RUFY4: variants seen among roughly 807,000 people sequenced by gnomAD.
RUFY4 encodes RUN and FYVE domain-containing protein 4.
In RUFY4, 73 loss-of-function variants were observed where a neutral mutation model predicts 69.0. The ratio of observed to expected loss-of-function variants is 1.06; its 90% CI spans 0.88 to 1.29. The LOEUF (loss-of-function observed/expected upper bound fraction) is 1.29. Ranked by LOEUF, RUFY4 falls within the 50% of genes most tolerant of loss-of-function variation. RUFY4 has a pLI of 0.00. For missense variants in RUFY4, 770 were observed against 705.6 expected (o/e 1.09, Z -1.03); for synonymous variants, 287 against 271.8 (o/e 1.06, Z -0.55).
chr2:218,084,034 C>G (rs1689831377), intron 9 of RUFY4, among the ~76,000 whole-genome samples: 1 of 152,170 alleles, frequency 6.6e-6, no homozygotes, highest in African/African-American at 2.4e-5. Context: ...AGGTTCCAGA[C>G]ATTGGGCTCA....
In RUFY4 at chr2:218,089,304, G is replaced by A. The variant is rs749470049; in HGVS notation, c.1555G>A (p.Glu519Lys). The A allele has an allele frequency of 2.2e-5, 35 of 1,613,724 alleles. No homozygotes were observed. The highest frequency in any genetic ancestry group is 1.6e-4 in the South Asian group (15 of 91,078). Residue 519 changes from glutamate (E) to lysine (K), a missense_variant, in exon 10 of 11, where the codon GAG becomes AAG. By Grantham distance (56) the Glu-to-Lys change is moderately conservative. Coordinates refer to ENST00000344321, the Ensembl canonical transcript of RUFY4. ...CCAGCATCTCTCTTCCATGGCTCCCGAGTGCTGTGTGGCCTGTAGCAAGAT... is the reference window on the plus strand; with the variant it reads ...CCAGCATCTCTCTTCCATGGCTCCCAAGTGCTGTGTGGCCTGTAGCAAGAT...
chr2:218,061,076 C>A, intron 3 of RUFY4: 1 of 605,284 alleles, frequency 1.7e-6, no homozygotes, highest in Non-Finnish European at 3.2e-6. Context: ...ACAGATTGTG[C>A]CAAAAATCCA....
At chr2:218,038,595 TAG>T (rs1185758780) in intron 2 of RUFY4, among the ~76,000 whole-genome samples, 2 of 152,180 alleles carry the variant, frequency 1.3e-5, no homozygotes, top group East Asian at 3.8e-4. Flanking sequence ...GACCCCAAAT[TAG>T]ATGATCATGT....
Position 218,075,646 on chromosome 2 carries a change from A to C in RUFY4, c.1154A>C (p.Asp385Ala), listed in dbSNP as rs1280634897. 6 of 1,511,342 alleles carry C rather than the reference A, an allele frequency of 4.0e-6. No homozygotes were observed. The highest frequency in any genetic ancestry group is 2.0e-4 in the Middle Eastern group (1 of 5,066). 93.6% of individuals were successfully genotyped at this position (1,511,342 alleles called of 1,614,324 possible). A position where few individuals can be genotyped will look rare whatever the true frequency, so the allele number is the denominator to read the frequency against. Residue 385 changes from aspartate (D) to alanine (A), a missense_variant, in exon 7 of 11, where the codon GAC becomes GCC. Coordinates refer to ENST00000344321, the Ensembl canonical transcript of RUFY4. ...CTTCAGGGACACGCAACAAAGGAAG[A>C]CTCTACCGTGGAGAATCCACAAGTG...
Position 218,043,920 on chromosome 2 carries a change from G to C in RUFY4, c.-1158+8526G>C, listed in dbSNP as rs76188350. Among the ~76,000 whole-genome samples, 1,096 of 152,352 alleles carry C rather than the reference G, an allele frequency of 7.2e-3. 13 individuals are homozygous for C. The highest frequency in any genetic ancestry group is 0.025 in the African/African-American group (1,023 of 41,576). The stretch of plus-strand genomic sequence containing the variant: ...CCTCCCATGCTTGTCAGTGCCCAAA[G>C]TCCAGAAGGGGGCTGAGGAGGCAGG... On this transcript the variant is annotated intron_variant and NMD_transcript_variant, in intron 2 of 13. Coordinates refer to the RUFY4 transcript ENST00000457754.
intron 2 of RUFY4, among the ~76,000 whole-genome samples, chr2:218,046,808 C>T (rs1189973555): frequency 1.3e-5 from 2 of 152,064 alleles, no homozygotes; most frequent in Non-Finnish European, 2.9e-5. Context: ...GTTTAACTTC[C>T]CTCTTGTTAC....
chr2:218,038,769 G>A (rs1278226194), intron 2 of RUFY4, among the ~76,000 whole-genome samples: 3 of 152,136 alleles, frequency 2.0e-5, no homozygotes, highest in Admixed American at 6.5e-5. Flanking sequence ...CCCTCTTTCC[G>A]ATTCATTTGC....
intron 3 of RUFY4, among the ~76,000 whole-genome samples, chr2:218,061,690 C>T (rs1005366): frequency 6.6e-6 from 1 of 152,220 alleles, no homozygotes; most frequent in Non-Finnish European, 1.5e-5. Flanking sequence ...CCCATGACAT[C>T]ACAGTCTCCC....
At chr2:218,070,181 G>GT, upstream of RUFY4, 1 of 247,232 alleles carries the variant, frequency 4.0e-6, no homozygotes, top group South Asian at 5.5e-5. Context: ...CACCAAGTCA[G>GT]GACCCAGAAC....
chr2:218,038,605 T>C (rs1177940660), intron 2 of RUFY4, among the ~76,000 whole-genome samples: 4 of 152,248 alleles, frequency 2.6e-5, no homozygotes, highest in Non-Finnish European at 4.4e-5. Context: ...TAGATGATCA[T>C]GTTATCAGTG....
chr2:218,051,842 AAAC>A (rs893687661), intron 2 of RUFY4, among the ~76,000 whole-genome samples: 6 of 152,184 alleles, frequency 3.9e-5, no homozygotes, highest in African/African-American at 1.2e-4. Flanking sequence ...TGCTTTTAGT[AAAC>A]AACAACAACA....
In RUFY4 at chr2:218,075,499, A is replaced by G. The variant is rs368023185; in HGVS notation, c.1007A>G (p.Glu336Gly). ...ACAACAGAGGGGACTCACAAAAAGG[A>G]AGCAGAGTGGAGTCACGTCCAGAGG... The change falls in exon 7 of 11, where the codon GAA (glutamate) becomes GGA (glycine). Residue 336 changes from glutamate to glycine, a missense_variant. Transcript: ENST00000344321. 21 of 1,583,774 alleles carry G rather than the reference A, an allele frequency of 1.3e-5. No homozygotes were observed. The African/African-American group carries it at 2.8e-4, about 21-fold the overall frequency.
chr2:218,056,229 GTT>G (rs796703457), intron 2 of RUFY4, among the ~76,000 whole-genome samples: 36 of 128,750 alleles, frequency 2.8e-4, no homozygotes, highest in African/African-American at 4.3e-4. Context: ...GCTGGTTGTT[GTT>G]TTTTTTTTTT....
rs1689176593 is a variant in RUFY4 at position 218,061,073 on chromosome 2, G to A, written c.-1071+2392G>A. The stretch of plus-strand genomic sequence containing the variant: ...GGAGCTAGACCACCTGGCACAGATT[G>A]TGCCAAAAATCCAGCCATTCATCTT... On this transcript the variant is annotated intron_variant and NMD_transcript_variant, in intron 3 of 13. Coordinates refer to the RUFY4 transcript ENST00000457754. 4.9e-6 allele frequency: 3 copies of A among 614,500 alleles called. No individual in the cohort carries two copies. The Admixed American group carries it at 5.8e-5, about 12-fold the overall frequency. 38.1% of individuals were successfully genotyped at this position (614,500 alleles called of 1,614,324 possible).
chr2:218,059,931 A>T (rs1689143897), intron 3 of RUFY4: 1 of 171,138 alleles, frequency 5.8e-6, no homozygotes, highest in African/African-American at 2.4e-5. Flanking sequence ...AACATTTTAC[A>T]TTCCCGCTCA....
chr2:218,056,575 C>A (rs1296419754), intron 2 of RUFY4, among the ~76,000 whole-genome samples: 2 of 152,164 alleles, frequency 1.3e-5, no homozygotes, highest in Non-Finnish European at 2.9e-5. Context: ...TGCTTTCAGA[C>A]AATGATCTTG....
chr2:218,065,638 G>A (rs56979819), upstream of RUFY4: 43,063 of 152,768 alleles, frequency 0.28, 6,521 homozygotes, highest in East Asian at 0.39. Context: ...AGAAGGCAGC[G>A]AGTGAGCCTG....
chr2:218,060,907 G>T (rs1689170512), intron 3 of RUFY4: 1 of 1,055,180 alleles, frequency 9.5e-7, no homozygotes, highest in Non-Finnish European at 1.5e-6. Context: ...AACAGGAACA[G>T]GTTCCACAAA....
chr2:218,060,124 G>A, intron 3 of RUFY4: 1 of 414,486 alleles, frequency 2.4e-6, no homozygotes, highest in Non-Finnish European at 4.5e-6. Context: ...GCTCCAGCAA[G>A]TGATGTAGTA....
Sources: allele counts gnomAD v4.1 joint callset (sites outside exome capture counted in the v4.1 genomes callset), GRCh38; gene constraint gnomAD v4.1.1; transcripts MANE v1.5; gene names NCBI Gene and HGNC (gene_info 2026-07-23, HGNC 2026-07-21).